Variants in MYPN observed in about 807,000 individuals in gnomAD.
MYPN encodes myopalladin.
MYPN carries 63 observed loss-of-function variants against 129.4 expected under a neutral mutation model. The ratio of observed to expected loss-of-function variants is 0.49; its 90% CI spans 0.40 to 0.60. The LOEUF (loss-of-function observed/expected upper bound fraction) is 0.60, where lower values mean the gene tolerates loss of function less well. Among genes scored for constraint, MYPN ranks in the 20% least tolerant of loss-of-function variants. The pLI is 0.00. For missense variants in MYPN, 1,596 were observed against 1,635.4 expected (o/e 0.98, Z 0.42); for synonymous variants, 629 against 600.9 (o/e 1.05, Z -0.68).
chr10:68,089,143 T>C (rs914620879), intron 1 of MYPN, among the ~76,000 whole-genome samples: 2 of 152,138 alleles, frequency 1.3e-5, no homozygotes, highest in East Asian at 3.9e-4. Context: ...GTGATTCTCA[T>C]GCCTCAGCAT....
intron 6 of MYPN, among the ~76,000 whole-genome samples, chr10:68,153,306 T>C (rs975157086): frequency 2.0e-5 from 3 of 152,282 alleles, no homozygotes; most frequent in Non-Finnish European, 4.4e-5. Context: ...TTACATTTAA[T>C]TTTCATGAGC....
rs141903064 is a variant in MYPN at position 68,153,681 on chromosome 10, G to A, written c.1317+3570G>A. ...GATGTGCTTGCGTTAGTTTCCATCA[G>A]TGAGGGCAGGATTGAGGTCATAGTC... On this transcript the variant is annotated intron_variant, in intron 6 of 19. Coordinates refer to ENST00000358913, the MANE Select transcript of MYPN (RefSeq NM_032578.4). 6.6e-3 allele frequency among the ~76,000 whole-genome samples: 1,002 copies of A among 152,310 alleles called. 5 individuals carry two copies. Among genetic ancestry groups the A allele is most frequent in the Non-Finnish European group, 9.8e-3 (668 of 68,026 alleles).
At chr10:68,114,063 T>A (rs1192633906) in intron 1 of MYPN, among the ~76,000 whole-genome samples, 1 of 152,226 alleles carries the variant, frequency 6.6e-6, no homozygotes, top group Non-Finnish European at 1.5e-5. Flanking sequence ...ACACCCAGAT[T>A]TGTTTTCTCA....
chr10:68,123,959 A>T (rs1161419309), intron 2 of MYPN, among the ~76,000 whole-genome samples: 1 of 152,210 alleles, frequency 6.6e-6, no homozygotes, highest in African/African-American at 2.4e-5. Flanking sequence ...GATTCATTAT[A>T]CATGTATTAA....
Position 68,202,390 on chromosome 10 carries a change from G to A in MYPN, c.3659+396G>A, listed in dbSNP as rs529522992. ...GGAACTTGCAGTGAGCTGAGATTGC[G>A]CCACGGGACTCCAGCCTGGGTGACA... On this transcript the variant is annotated intron_variant, in intron 18 of 19. Transcript: ENST00000358913. Among the ~76,000 whole-genome samples, 16 of 152,030 alleles carry A rather than the reference G, an allele frequency of 1.1e-4. No homozygotes were observed. The South Asian group carries it at 1.7e-3, about 16-fold the overall frequency.
At chr10:68,206,255 C>T (rs2043813751) in intron 18 of MYPN, among the ~76,000 whole-genome samples, 1 of 152,022 alleles carries the variant, frequency 6.6e-6, no homozygotes, top group African/African-American at 2.4e-5. Flanking sequence ...AATATGCAGT[C>T]AAGGTGAAAA....
chr10:68,125,260 A>G (rs75272090), intron 2 of MYPN, among the ~76,000 whole-genome samples: 3,527 of 152,344 alleles, frequency 0.023, 214 homozygotes, highest in East Asian at 0.2. Context: ...AAATGTACAC[A>G]GTTTCCATGT....
At chr10:68,179,188 T>G (rs1209122876) in intron 12 of MYPN, among the ~76,000 whole-genome samples, 1 of 152,210 alleles carries the variant, frequency 6.6e-6, no homozygotes, top group Non-Finnish European at 1.5e-5. Flanking sequence ...TCCTCTTTTG[T>G]GAGCCGTGAA....
chr10:68,160,618 A>G (rs2134147100), intron 7 of MYPN, among the ~76,000 whole-genome samples: 1 of 152,272 alleles, frequency 6.6e-6, no homozygotes, highest in East Asian at 1.9e-4. Flanking sequence ...TTAAGATAAG[A>G]TAAGAACCTA....
chr10:68,195,496 T>C lies in MYPN; in HGVS notation c.3122T>C (p.Ile1041Thr), dbSNP rs754227127. ...CACTTGATGGTACAAAGTTTGCCCA[T>C]TCGCAGTCGGCTAACCTCTGCTGGT... The part of the protein sequence containing the change: ...SGHLMVQSLP[I>T]RSRLTSAGQS... The change falls in exon 15 of 20, where the codon ATT (isoleucine) becomes ACT (threonine). Residue 1041 changes from isoleucine (I) to threonine (T), a missense_variant. Ile to Thr is a moderately conservative substitution (Grantham distance 89, BLOSUM62 -1). Transcript: ENST00000358913. 13 of 1,613,954 alleles carry C rather than the reference T, an allele frequency of 8.1e-6. No individual in the cohort carries two copies. Among genetic ancestry groups the C allele is most frequent in the African/African-American group, 4.0e-5 (3 of 74,914 alleles).
chr10:68,201,969 A>G lies in MYPN; in HGVS notation c.3634A>G (p.Ile1212Val). ...CTACTGGAAGAAAGACAATGAGACC[A>G]TCCCTTGCACCAGAGAGAGGATCAG... is the stretch of plus-strand genomic sequence containing the variant. Reference protein sequence around the residue: ...VFYWKKDNETIPCTRERISMH... With the variant: ...VFYWKKDNETVPCTRERISMH... Residue 1212 changes from isoleucine (I) to valine (V), a missense_variant, in exon 18 of 20, where the codon ATC becomes GTC. Transcript: ENST00000358913. The G allele has an allele frequency of 1.2e-6, 2 of 1,614,046 alleles. No homozygotes were observed. The highest frequency in any genetic ancestry group is 1.1e-5 in the South Asian group (1 of 91,080).
intron 19 of MYPN, 125 bp downstream of exon 19, chr10:68,207,028 C>T (rs2043828096): frequency 2.3e-5 from 28 of 1,191,572 alleles, no homozygotes; most frequent in Non-Finnish European, 3.2e-5. Context: ...GAGGCCGAGG[C>T]AGGCAGATCA....
At chr10:68,178,080 CT>C (rs1288394606) in intron 12 of MYPN, among the ~76,000 whole-genome samples, 1 of 152,168 alleles carries the variant, frequency 6.6e-6, no homozygotes, top group Non-Finnish European at 1.5e-5. Flanking sequence ...GTATCTACCA[CT>C]TTGTGTTTCT....
chr10:68,131,865 A>G (rs1029033721), intron 2 of MYPN, among the ~76,000 whole-genome samples: 4 of 152,244 alleles, frequency 2.6e-5, no homozygotes, highest in Non-Finnish European at 4.4e-5. Context: ...TAGAAATACA[A>G]TCAACTTCTA....
In MYPN at chr10:68,194,454, T is replaced by C. The variant is rs864622711; in HGVS notation, c.3017T>C (p.Ile1006Thr). Residue 1006 changes from isoleucine (I) to threonine (T), a missense_variant, in exon 14 of 20, where the codon ATT becomes ACT. Physicochemically the swap from Ile to Thr is moderately conservative, Grantham distance 89. Transcript: ENST00000358913. ...GGAGATGGGACATGCTCTCTGCACATTGAATCCACTACCAGTGATGACGAT... is the reference window on the plus strand; with the variant it reads ...GGAGATGGGACATGCTCTCTGCACACTGAATCCACTACCAGTGATGACGAT... ...REGDGTCSLHIESTTSDDDGN... is the reference protein window; with the variant it reads ...REGDGTCSLHTESTTSDDDGN... 6.2e-7 allele frequency: 1 copy of C among 1,613,936 alleles called. No homozygotes were observed. Among genetic ancestry groups the C allele is most frequent in the Non-Finnish European group, 8.5e-7 (1 of 1,179,918 alleles).
At chr10:68,098,539 T>C (rs924215279) in intron 1 of MYPN, among the ~76,000 whole-genome samples, 1 of 151,924 alleles carries the variant, frequency 6.6e-6, no homozygotes, top group Non-Finnish European at 1.5e-5. Context: ...TCATGCAAAA[T>C]TGGAAAGCAG....
At chr10:68,155,394 A>C (rs1244140428) in intron 6 of MYPN, among the ~76,000 whole-genome samples, 1 of 152,250 alleles carries the variant, frequency 6.6e-6, no homozygotes, top group East Asian at 1.9e-4. Flanking sequence ...CCAGATGACC[A>C]GTTTAGTGAT....
intron 6 of MYPN, 68 bp from the exon 7 acceptor site, chr10:68,158,418 C>T: frequency 3.3e-6 from 5 of 1,498,814 alleles, no homozygotes; most frequent in Non-Finnish European, 4.6e-6. Context: ...TTCTAAAATT[C>T]AACACCGAAA....
At chr10:68,165,539 T>C in intron 8 of MYPN, 163 bp from the exon 9 acceptor site, 1 of 703,964 alleles carries the variant, frequency 1.4e-6, no homozygotes. Context: ...TGCCTACTAA[T>C]CAGTCAATTC....
Sources: allele counts gnomAD v4.1 joint callset (sites outside exome capture counted in the v4.1 genomes callset), GRCh38; gene constraint gnomAD v4.1.1; transcripts MANE v1.5; gene names NCBI Gene and HGNC (gene_info 2026-07-23, HGNC 2026-07-21).